Variants in ELL2 observed in about 807,000 individuals in gnomAD.
ELL2 encodes the protein RNA polymerase II elongation factor ELL2.
A neutral mutation model predicts 72.8 loss-of-function variants in ELL2; 21 were observed. That is an observed-to-expected ratio of 0.29 (90% CI 0.20 to 0.42). The LOEUF (loss-of-function observed/expected upper bound fraction) is 0.42, where lower values mean the gene tolerates loss of function less well. Among genes scored for constraint, ELL2 ranks in the 10% least tolerant of loss-of-function variants. The probability of loss-of-function intolerance (pLI) is 1.00; values close to 1 mark genes in which losing one functional copy is unlikely to be tolerated. For missense variants in ELL2, 568 were observed against 772.8 expected (o/e 0.73, Z 3.14); for synonymous variants, 266 against 283.2 (o/e 0.94, Z 0.61).
intron 2 of ELL2, among the ~76,000 whole-genome samples, chr5:95,925,817 T>C (rs1386057171): frequency 2.6e-5 from 4 of 152,168 alleles, no homozygotes; most frequent in African/African-American, 7.2e-5. Context: ...CCACCTCCCC[T>C]CCGGCATCCC....
chr5:95,892,778 G>C (rs1561488032), intron 9 of ELL2, among the ~76,000 whole-genome samples: 1 of 152,180 alleles, frequency 6.6e-6, no homozygotes, highest in Non-Finnish European at 1.5e-5. Flanking sequence ...AGCAAACTTA[G>C]TGTCCTCATT....
Position 95,912,567 on chromosome 5 carries a change from G to A in ELL2, c.481+1204C>T, listed in dbSNP as rs72785439. The stretch of plus-strand genomic sequence containing the variant: ...GAAAGTTAATTAAGTTACTTCTGGG[G>A]ATAAAGGAGAAAGAAAGGAGGCTGG... On this transcript the variant is annotated intron_variant, in intron 4 of 11. Transcript: ENST00000237853. 3.0e-3 allele frequency among the ~76,000 whole-genome samples: 460 copies of A among 152,300 alleles called. 1 individual carries two copies. The highest frequency in any genetic ancestry group is 0.014 in the Middle Eastern group (4 of 294).
At chr5:95,889,042 A>AT (rs1561486335) in intron 11 of ELL2, 44 bp downstream of exon 11, 1 of 1,594,152 alleles carries the variant, frequency 6.3e-7, no homozygotes. Context: ...AATTTACAAC[A>AT]TTTTTCAACC....
intron 2 of ELL2, among the ~76,000 whole-genome samples, chr5:95,935,110 T>C (rs1264494885): frequency 1.3e-5 from 2 of 152,168 alleles, no homozygotes; most frequent in African/African-American, 4.8e-5. Context: ...GGGTAACCAC[T>C]GTTCTCATTT....
chr5:95,904,207 T>G (rs1749260500), intron 5 of ELL2, among the ~76,000 whole-genome samples: 1 of 152,206 alleles, frequency 6.6e-6, no homozygotes, highest in Admixed American at 6.5e-5. Flanking sequence ...ATAAGCTCCA[T>G]GAGGGCAGGG....
In ELL2 at chr5:95,898,315, C is replaced by T. The variant is rs779707618; in HGVS notation, c.1450G>A (p.Glu484Lys). Reference protein sequence around the residue: ...QIKKHDIETIEEKEEDLKREE... With the variant: ...QIKKHDIETIKEKEEDLKREE... ...CTCTTAAGATCTTCCTCCTTTTCCT[C>T]AATAGTCTCAATGTCGTGCTTTTTT... is the stretch of plus-strand genomic sequence containing the variant. The change falls in exon 8 of 12, where the codon GAG becomes AAG. Residue 484 changes from glutamate to lysine, a missense_variant. By Grantham distance (56) the Glu-to-Lys change is moderately conservative. Transcript: ENST00000237853. 3.1e-6 allele frequency: 5 copies of T among 1,613,416 alleles called. No homozygotes were observed. Among genetic ancestry groups the T allele is most frequent in the Non-Finnish European group, 4.2e-6 (5 of 1,179,802 alleles).
At chr5:95,929,357 C>G (rs1750513107) in intron 2 of ELL2, among the ~76,000 whole-genome samples, 1 of 150,828 alleles carries the variant, frequency 6.6e-6, no homozygotes, top group African/African-American at 2.5e-5. Flanking sequence ...CGCCTGGGTT[C>G]AAGCGATTCT....
At chr5:95,955,804 T>A (rs543010147) in intron 1 of ELL2, among the ~76,000 whole-genome samples, 39 of 152,130 alleles carry the variant, frequency 2.6e-4, no homozygotes, top group Admixed American at 1.1e-3. Flanking sequence ...TATCACATTT[T>A]AGGGACATTT....
At chr5:95,915,894 T>TA (rs932262523) in intron 3 of ELL2, among the ~76,000 whole-genome samples, 11 of 152,110 alleles carry the variant, frequency 7.2e-5, no homozygotes, top group Middle Eastern at 3.4e-3. Flanking sequence ...GGTCATGTGT[T>TA]ACAGGTTTTG....
intron 3 of ELL2, among the ~76,000 whole-genome samples, chr5:95,914,945 G>A (rs1387948519): frequency 6.6e-6 from 1 of 152,152 alleles, no homozygotes; most frequent in Non-Finnish European, 1.5e-5. Flanking sequence ...GTTAATATTA[G>A]GGGGATCATG....
chr5:95,959,062 T>C (rs1751719445), intron 1 of ELL2, among the ~76,000 whole-genome samples: 1 of 152,114 alleles, frequency 6.6e-6, no homozygotes, highest in African/African-American at 2.4e-5. Flanking sequence ...GAAGCAGAAA[T>C]GAAGGCCATA....
Position 95,906,851 on chromosome 5 carries a change from A to G in ELL2, c.482-69T>C, listed in dbSNP as rs1489445736. 2.1e-6 allele frequency: 3 copies of G among 1,420,864 alleles called. No homozygotes were observed. In the African/African-American group the frequency reaches 4.4e-5, roughly 21 times the overall value. The allele number at this position is 1,420,864 out of a possible 1,614,324, so 88.0% of individuals were successfully genotyped here. On this transcript the variant is annotated intron_variant, in intron 4 of 11. Transcript: ENST00000237853. ...CAATATGAGCACCTCAGTTTCCACA[A>G]TTCTGATTTAGGTACCTCTTCATTT...
intron 1 of ELL2, among the ~76,000 whole-genome samples, chr5:95,949,479 C>G (rs979584279): frequency 1.3e-5 from 2 of 152,004 alleles, no homozygotes; most frequent in African/African-American, 2.4e-5. Context: ...AGAGATCTTT[C>G]CAACTTTATT....
chr5:95,890,088 C>T (rs1748602892), intron 10 of ELL2, among the ~76,000 whole-genome samples: 1 of 152,098 alleles, frequency 6.6e-6, no homozygotes, highest in Admixed American at 6.6e-5. Flanking sequence ...CCACTCCTAA[C>T]CAAGTAATCC....
intron 4 of ELL2, chr5:95,913,507 G>T: frequency 3.6e-6 from 1 of 279,038 alleles, no homozygotes; most frequent in Non-Finnish European, 6.6e-6. Flanking sequence ...GCAGTAATGT[G>T]ACCAGATCCC....
intron 1 of ELL2, among the ~76,000 whole-genome samples, chr5:95,951,283 G>C (rs1048566873): frequency 2.0e-5 from 3 of 152,092 alleles, no homozygotes; most frequent in Non-Finnish European, 4.4e-5. Context: ...GCAGGAGAAT[G>C]ACGTGAACCC....
intron 3 of ELL2, among the ~76,000 whole-genome samples, chr5:95,917,619 A>G (rs569008006): frequency 3.9e-5 from 6 of 152,318 alleles, no homozygotes; most frequent in Non-Finnish European, 8.8e-5. Flanking sequence ...GCAGACTTCA[A>G]TTTATACCCT....
At chr5:95,934,507 A>G (rs1011425955) in intron 2 of ELL2, among the ~76,000 whole-genome samples, 1 of 152,158 alleles carries the variant, frequency 6.6e-6, no homozygotes, top group African/African-American at 2.4e-5. Flanking sequence ...CCAAAACATC[A>G]AGTGTTAACT....
intron 2 of ELL2, among the ~76,000 whole-genome samples, chr5:95,941,327 A>G (rs1750960853): frequency 6.6e-6 from 1 of 152,200 alleles, no homozygotes; most frequent in African/African-American, 2.4e-5. Flanking sequence ...GGGCACTTGG[A>G]CACATGGAAC....
Sources: allele counts gnomAD v4.1 joint callset (sites outside exome capture counted in the v4.1 genomes callset), GRCh38; gene constraint gnomAD v4.1.1; transcripts MANE v1.5; gene names NCBI Gene and HGNC (gene_info 2026-07-23, HGNC 2026-07-21).